Variants in RPP30 observed in about 807,000 individuals in gnomAD.
RPP30 encodes the protein ribonuclease P protein subunit p30.
A neutral mutation model predicts 38.6 loss-of-function variants in RPP30; 36 were observed. The ratio of observed to expected loss-of-function variants is 0.93; its 90% CI spans 0.71 to 1.23. The LOEUF is 1.23. Among genes scored for constraint, RPP30 ranks in the 50% most tolerant of loss-of-function variants. The pLI is 0.00. For synonymous variants in RPP30, 126 were observed against 112.7 expected, an observed-to-expected ratio of 1.12 and a Z score of -0.75; for missense variants, 321 against 321.7, an observed-to-expected ratio of 1.00 and a Z score of 0.02.
chr10:90,872,706 T>C (rs964420780), intron 1 of RPP30, among the ~76,000 whole-genome samples: 2 of 152,114 alleles, frequency 1.3e-5, no homozygotes, highest in Admixed American at 1.3e-4. Flanking sequence ...ATAGAGAGAT[T>C]AAAAAGAATC....
intron 1 of RPP30, 40 bp from the exon 2 acceptor site, chr10:90,874,829 T>G (rs1246158134): frequency 7.1e-7 from 1 of 1,407,810 alleles, no homozygotes; most frequent in Non-Finnish European, 1.0e-6. Flanking sequence ...GAAGGAGAGG[T>G]TGTTATATTT....
downstream of RPP30, chr10:90,906,201 G>C (rs192164281): frequency 1.1e-4 from 17 of 152,270 alleles, no homozygotes; most frequent in Admixed American, 1.0e-3. Flanking sequence ...AGACACCTTG[G>C]GGGAACTAAT....
intron 7 of RPP30, chr10:90,895,099 G>T: frequency 4.9e-6 from 3 of 608,036 alleles, no homozygotes; most frequent in Non-Finnish European, 8.8e-6. Flanking sequence ...AGATGTGTTG[G>T]AAGCCATATC....
At position 90,901,222 on chromosome 10, in the gene RPP30, A is replaced by T. The variant is rs1847197869; in HGVS notation, c.*543A>T. ...GGCTGGTCTCAAACTCCTAGGATCA[A>T]GCCATCCTCCCGCTTTGGCCTCCTA... On this transcript the variant is annotated 3_prime_UTR_variant, in exon 11 of 11. Transcript: ENST00000371703. 2.3e-5 allele frequency: 17 copies of T among 730,050 alleles called. No homozygotes were observed. Among genetic ancestry groups the T allele is most frequent in the Non-Finnish European group, 2.8e-5 (17 of 598,072 alleles). 45.2% of individuals were successfully genotyped at this position (730,050 alleles called of 1,614,324 possible).
At chr10:90,895,074 A>C in intron 7 of RPP30, 183 bp downstream of exon 7, 1 of 657,158 alleles carries the variant, frequency 1.5e-6, no homozygotes, top group Non-Finnish European at 2.8e-6. Context: ...GGGAAGAATA[A>C]TGTAAGGGAG....
At position 90,901,084 on chromosome 10, in the gene RPP30, C is replaced by T. The variant is rs2120239488; in HGVS notation, c.*405C>T. 2.8e-6 allele frequency: 1 copy of T among 354,436 alleles called. No homozygotes were observed. Among genetic ancestry groups the T allele is most frequent in the South Asian group, 1.2e-4 (1 of 8,524 alleles). The allele number at this position is 354,436 out of a possible 1,614,324, so 22.0% of individuals were successfully genotyped here. A position where few individuals can be genotyped will look rare whatever the true frequency, so the allele number is the denominator to read the frequency against. On this transcript the variant is annotated 3_prime_UTR_variant, in exon 11 of 11. Coordinates refer to ENST00000371703, the MANE Select transcript of RPP30 (RefSeq NM_006413.5). ...CTCAATCCTGGGCTCAAGTGATCCTCCCGCTTCAGCCTCTCAAGCAGCGGG... is the reference window on the plus strand; with the variant it reads ...CTCAATCCTGGGCTCAAGTGATCCTTCCGCTTCAGCCTCTCAAGCAGCGGG...
chr10:90,887,386 ATTT>A (rs1267063795), intron 6 of RPP30, among the ~76,000 whole-genome samples: 1 of 143,406 alleles, frequency 7.0e-6, no homozygotes. Context: ...TGTTGGGTAA[ATTT>A]TTTTTTTTTT....
intron 10 of RPP30, among the ~76,000 whole-genome samples, chr10:90,898,877 A>G (rs1042905169): frequency 6.6e-6 from 1 of 152,226 alleles, no homozygotes; most frequent in African/African-American, 2.4e-5. Context: ...CATGCCCTCA[A>G]TCAGCCCCTG....
At position 90,901,317 on chromosome 10, in the gene RPP30, G is replaced by T. The variant is rs1435559440; in HGVS notation, c.*638G>T. On this transcript the variant is annotated 3_prime_UTR_variant, in exon 11 of 11. Coordinates refer to ENST00000371703, the MANE Select transcript of RPP30 (RefSeq NM_006413.5). ...AATATTTTAAGAGCTTCTTTCGAAA[G>T]TTTCTTGTTCATACTCAAATAGTAG... 3 of 984,992 alleles carry T rather than the reference G, an allele frequency of 3.0e-6. No individual in the cohort carries two copies. In the East Asian group the frequency reaches 3.4e-4, roughly 112 times the overall value. The allele number at this position is 984,992 out of a possible 1,614,324, so 61.0% of individuals were successfully genotyped here.
In RPP30 at chr10:90,893,010, C is replaced by A. The variant is rs147522711; in HGVS notation, c.433-1765C>A. ...CGTTCAACTAGGACAGAAATACTAT[C>A]TTAACAAATGTCATTCCCAGAAATA... On this transcript the variant is annotated intron_variant, in intron 6 of 10. Coordinates refer to ENST00000371703, the MANE Select transcript of RPP30 (RefSeq NM_006413.5). 8.4e-4 allele frequency among the ~76,000 whole-genome samples: 128 copies of A among 152,278 alleles called. 1 individual carries two copies. In the East Asian group the frequency reaches 0.024, roughly 28 times the overall value.
rs1172165771 is a variant in RPP30, at chr10:90,900,891, T to A, written c.*212T>A. 7.7e-7 allele frequency: 1 copy of A among 1,292,462 alleles called. No homozygotes were observed. The highest frequency in any genetic ancestry group is 1.5e-5 in the African/African-American group (1 of 66,122). The allele number at this position is 1,292,462 out of a possible 1,614,324, so 80.1% of individuals were successfully genotyped here. On this transcript the variant is annotated 3_prime_UTR_variant, in exon 11 of 11. Transcript: ENST00000371703. ...AGGCTGCCAGCTTAATGAATTTAGA[T>A]GTACTTTAAGAGAGAAAGACTGGTT... is the stretch of plus-strand genomic sequence containing the variant.
chr10:90,880,401 C>A (rs1846911152), intron 5 of RPP30, among the ~76,000 whole-genome samples: 1 of 152,140 alleles, frequency 6.6e-6, no homozygotes, highest in Admixed American at 6.6e-5. Context: ...TGAGTGCCTA[C>A]TCTTTTTGTT....
downstream of RPP30, among the ~76,000 whole-genome samples, chr10:90,904,073 TA>T (rs1264391984): frequency 6.6e-6 from 1 of 152,144 alleles, no homozygotes; most frequent in Admixed American, 6.6e-5. Flanking sequence ...TCTGAAAGAG[TA>T]AATATGAGAA....
chr10:90,873,841 C>A (rs1336803939), intron 1 of RPP30, among the ~76,000 whole-genome samples: 1 of 151,936 alleles, frequency 6.6e-6, no homozygotes, highest in Non-Finnish European at 1.5e-5. Context: ...GGGTAACTTT[C>A]TTCAGGGAGC....
At chr10:90,877,540 G>T (rs575583633) in intron 4 of RPP30, among the ~76,000 whole-genome samples, 3 of 151,754 alleles carry the variant, frequency 2.0e-5, no homozygotes, top group Non-Finnish European at 4.4e-5. Context: ...GAAGTAGAAG[G>T]ACAGCAAGCA....
chr10:90,892,706 C>G (rs1321887454), intron 6 of RPP30, among the ~76,000 whole-genome samples: 2 of 152,312 alleles, frequency 1.3e-5, no homozygotes, highest in Middle Eastern at 3.4e-3. Flanking sequence ...AGGTCAGCCT[C>G]TTCAGCTAAT....
rs1846890068 is a variant in RPP30, at chr10:90,879,090, T to C, written c.298T>C (p.Tyr100His). 1 of 1,613,938 alleles carries C rather than the reference T, an allele frequency of 6.2e-7. No individual in the cohort carries two copies. Among genetic ancestry groups the C allele is most frequent in the African/African-American group, 1.3e-5 (1 of 74,936 alleles). ...LRATSSRARL[Y>H]DVVAVFPKTE... is the part of the protein sequence containing the mutation. Reference sequence around the variant, plus strand: ...AGCAACTTCTTCAAGGGCCCGGCTCTATGATGTTGTTGCAGTTTTTCCAAA... The same window carrying C: ...AGCAACTTCTTCAAGGGCCCGGCTCCATGATGTTGTTGCAGTTTTTCCAAA... The change falls in exon 5 of 11, where the codon TAT (tyrosine) becomes CAT (histidine). Residue 100 changes from tyrosine (Y) to histidine (H), a missense_variant. By Grantham distance (83) the Tyr-to-His change is moderately conservative (BLOSUM62 2). Transcript: ENST00000371703.
chr10:90,895,367 T>TA, intron 7 of RPP30, 87 bp from the exon 8 acceptor site: 1 of 777,410 alleles, frequency 1.3e-6, no homozygotes, highest in African/African-American at 1.9e-5. Flanking sequence ...CCTTAAATGT[T>TA]AAAATATGAT....
chr10:90,872,742 T>A (rs1408765632), intron 1 of RPP30, among the ~76,000 whole-genome samples: 1 of 152,164 alleles, frequency 6.6e-6, no homozygotes, highest in East Asian at 1.9e-4. Flanking sequence ...TAACATCTGC[T>A]CCTCAGAGAC....
Sources: gnomAD v4.1 joint callset for allele counts (sites outside exome capture counted in the v4.1 genomes callset) on GRCh38, gnomAD v4.1.1 for gene constraint, MANE v1.5 for transcripts, NCBI Gene and HGNC (gene_info 2026-07-23, HGNC 2026-07-21) for gene names.